The following R3HDML variants were observed in gnomAD, a reference collection of about 807,000 sequenced individuals.
R3HDML encodes R3H domain containing like.
Under a neutral mutation model 24.2 loss-of-function variants are expected in R3HDML, and 21 were observed. That is an observed-to-expected ratio of 0.87 (90% CI 0.62 to 1.25). R3HDML has a LOEUF of 1.25. Among genes scored for constraint, R3HDML ranks in the 50% most tolerant of loss-of-function variants. The pLI, the probability that R3HDML is intolerant of heterozygous loss-of-function variation, is 0.00. For missense variants in R3HDML, 301 were observed against 340.3 expected (o/e 0.88, Z 0.91); for synonymous variants, 133 against 131.5 (o/e 1.01, Z -0.08).
Position 44,350,885 on chromosome 20 carries a change from A to G in R3HDML, c.*93A>G. The stretch of plus-strand genomic sequence containing the variant: ...GGTGGAGAAATAATTGTTTCTTTAA[A>G]GGATATGAGTTAGAATCACCCCCTG... On this transcript the variant is annotated 3_prime_UTR_variant, in exon 5 of 5. Transcript: ENST00000217043. 1 of 1,467,860 alleles carries G rather than the reference A, an allele frequency of 6.8e-7. No homozygotes were observed. The highest frequency in any genetic ancestry group is 2.3e-5 in the East Asian group (1 of 42,660). The allele number at this position is 1,467,860 out of a possible 1,614,324, so 90.9% of individuals were successfully genotyped here. A position where few individuals can be genotyped will look rare whatever the true frequency, so the allele number is the denominator to read the frequency against.
chr20:44,343,997 G>A (rs2146110951), intron 3 of R3HDML, among the ~76,000 whole-genome samples: 1 of 152,120 alleles, frequency 6.6e-6, no homozygotes, highest in South Asian at 2.1e-4. Flanking sequence ...AAATAGTGAG[G>A]TGTGGCCATG....
intron 1 of R3HDML, among the ~76,000 whole-genome samples, chr20:44,338,490 C>T (rs1432228761): frequency 6.6e-6 from 1 of 152,158 alleles, no homozygotes; most frequent in East Asian, 1.9e-4. Context: ...GGATGGCAGG[C>T]AGCTAGAGTG....
rs764971751 is a variant in R3HDML at position 44,345,196 on chromosome 20, C to T, written c.514-67C>T. On this transcript the variant is annotated intron_variant, in intron 3 of 4. Coordinates refer to ENST00000217043, the MANE Select transcript of R3HDML (RefSeq NM_178491.4). ...GAAGACCTCACCTAATGCAACTGTA[C>T]AACCCCAGGGAGCCTGGGTCCCACT... The T allele has an allele frequency of 6.7e-5, 86 of 1,283,562 alleles. No individual in the cohort carries two copies. In the South Asian group the frequency reaches 9.5e-4, roughly 14 times the overall value. 79.5% of individuals were successfully genotyped at this position (1,283,562 alleles called of 1,614,324 possible).
At chr20:44,345,405 G>A in intron 4 of R3HDML, 27 bp downstream of exon 4, 2 of 1,534,364 alleles carry the variant, frequency 1.3e-6, no homozygotes, top group South Asian at 1.2e-5. Flanking sequence ...AGGCAAAGAG[G>A]GCCCTGGGGC....
In R3HDML at chr20:44,337,554, G is replaced by C; in HGVS notation, c.261+136G>C. On this transcript the variant is annotated intron_variant, in intron 1 of 4. Transcript: ENST00000217043. This position sits in a 1 kb window ranked among gnomAD's most constrained non-coding sequence, Gnocchi z 4.7. ...CCTGGCCCCACTAGCCAGTATCTGG[G>C]TGTCGACCTGTGGAAAGGGCAGGAG... is the stretch of plus-strand genomic sequence containing the variant. 3 of 905,338 alleles carry C rather than the reference G, an allele frequency of 3.3e-6. No homozygotes were observed. The highest frequency in any genetic ancestry group is 1.7e-5 in the South Asian group (1 of 59,100). The allele number at this position is 905,338 out of a possible 1,614,324, so 56.1% of individuals were successfully genotyped here.
intron 4 of R3HDML, among the ~76,000 whole-genome samples, chr20:44,346,912 C>A (rs1008473395): frequency 5.3e-5 from 8 of 152,202 alleles, no homozygotes; most frequent in African/African-American, 1.9e-4. Context: ...GGGGCTGAGG[C>A]GAGTGAATCA....
rs1436567077 is a variant in R3HDML at position 44,348,629 on chromosome 20, TA to T, written c.630-2030del. On this transcript the variant is annotated intron_variant, in intron 4 of 4. Coordinates refer to ENST00000217043, the MANE Select transcript of R3HDML (RefSeq NM_178491.4). Reference sequence around the variant, plus strand: ...AATCCTCACACCACAGCCTCCCCAGTAGCTGGGACTACAGGCGTTCACCACC... The same window carrying T: ...AATCCTCACACCACAGCCTCCCCAGTGCTGGGACTACAGGCGTTCACCACC... Among the ~76,000 whole-genome samples the T allele has an allele frequency of 2.6e-5, 4 of 152,022 alleles. No homozygotes were observed. The East Asian group carries it at 7.7e-4, about 29-fold the overall frequency.
Position 44,350,931 on chromosome 20 carries a change from C to G in R3HDML, c.*139C>G, listed in dbSNP as rs187497509. The G allele has an allele frequency of 1.0e-6, 1 of 963,992 alleles. No individual in the cohort carries two copies. The allele number at this position is 963,992 out of a possible 1,614,324, so 59.7% of individuals were successfully genotyped here. ...CCCTGTTGAATTTTCCCTCCTAGAT[C>G]CCCTTCTTAAATGTCCAACATGGGT... On this transcript the variant is annotated 3_prime_UTR_variant, in exon 5 of 5. Coordinates refer to ENST00000217043, the MANE Select transcript of R3HDML (RefSeq NM_178491.4).
chr20:44,341,357 A>G lies in R3HDML; in HGVS notation c.380+43A>G, dbSNP rs112105207. The stretch of plus-strand genomic sequence containing the variant: ...CTTCCTTCACTCAGTCATTCAACAA[A>G]TACTCATTGAACACTTACTCTGTAC... On this transcript the variant is annotated intron_variant, in intron 2 of 4. Transcript: ENST00000217043. The G allele has an allele frequency of 2.5e-5, 36 of 1,462,560 alleles. No individual in the cohort carries two copies. The African/African-American group carries it at 3.6e-4, about 15-fold the overall frequency. The allele number at this position is 1,462,560 out of a possible 1,614,324, so 90.6% of individuals were successfully genotyped here.
At position 44,337,075 on chromosome 20, in the gene R3HDML, A is replaced by G; in HGVS notation, c.-83A>G. On this transcript the variant is annotated 5_prime_UTR_variant, in exon 1 of 5. Coordinates refer to ENST00000217043, the MANE Select transcript of R3HDML (RefSeq NM_178491.4). This position sits in a 1 kb window ranked among gnomAD's most constrained non-coding sequence, Gnocchi z 4.7. Reference sequence around the variant, plus strand: ...GGGTCGGCACTGTTGGAGAACGCTCAGGGTCTGGTGCTCTCGTGCCTGCCC... The same window carrying G: ...GGGTCGGCACTGTTGGAGAACGCTCGGGGTCTGGTGCTCTCGTGCCTGCCC... 10 of 1,506,280 alleles carry G rather than the reference A, an allele frequency of 6.6e-6. No homozygotes were observed. Among genetic ancestry groups the G allele is most frequent in the Non-Finnish European group, 8.9e-6 (10 of 1,121,568 alleles). 93.3% of individuals were successfully genotyped at this position (1,506,280 alleles called of 1,614,324 possible). A position where few individuals can be genotyped will look rare whatever the true frequency, so the allele number is the denominator to read the frequency against.
At chr20:44,348,825 A>G (rs922673325) in intron 4 of R3HDML, among the ~76,000 whole-genome samples, 1 of 152,026 alleles carries the variant, frequency 6.6e-6, no homozygotes, top group Admixed American at 6.6e-5. Context: ...CTTTAAGGTA[A>G]ATGCTACCTG....
rs2062760207 is a variant in R3HDML at position 44,337,313 on chromosome 20, C to T, written c.156C>T (p.Tyr52=). 6.2e-7 allele frequency: 1 copy of T among 1,614,226 alleles called. No individual in the cohort carries two copies. Among genetic ancestry groups the T allele is most frequent in the South Asian group, 1.1e-5 (1 of 91,090 alleles). The change falls in exon 1 of 5, where the codon TAC becomes TAT. Residue 52 remains tyrosine, a synonymous_variant. Transcript: ENST00000217043. This position sits in a 1 kb window ranked among gnomAD's most constrained non-coding sequence, Gnocchi z 4.7. ...RLLSGLEVPR[Y]RRKRHISVRD... is the part of the protein sequence containing the mutation. ...TGAGTGGCCTGGAGGTGCCCAGGTA[C>T]CGCCGGAAGCGCCACATCTCTGTGA...
intron 1 of R3HDML, among the ~76,000 whole-genome samples, chr20:44,338,401 C>A: frequency 6.6e-6 from 1 of 152,212 alleles, no homozygotes; most frequent in South Asian, 2.1e-4. Flanking sequence ...AGAAAACAAG[C>A]ATGAACAACA....
chr20:44,339,595 G>A (rs1396350812), intron 1 of R3HDML, among the ~76,000 whole-genome samples: 6 of 151,376 alleles, frequency 4.0e-5, no homozygotes, highest in Non-Finnish European at 7.4e-5. Flanking sequence ...GTGTGTGTGT[G>A]TGTGTGTGTG....
chr20:44,340,376 A>G (rs7352806), intron 1 of R3HDML, among the ~76,000 whole-genome samples: 73,620 of 152,044 alleles, frequency 0.48, 18,288 homozygotes, highest in African/African-American at 0.58. Context: ...ACAGGCGTGA[A>G]CCACTGTGCC....
chr20:44,345,899 A>G (rs1017768189), intron 4 of R3HDML, among the ~76,000 whole-genome samples: 2 of 151,588 alleles, frequency 1.3e-5, no homozygotes, highest in Admixed American at 1.3e-4. Context: ...AGCTCGCTGC[A>G]GCCTCCACTT....
intron 4 of R3HDML, among the ~76,000 whole-genome samples, chr20:44,349,572 G>C (rs916664715): frequency 1.3e-5 from 2 of 152,258 alleles, no homozygotes; most frequent in South Asian, 4.1e-4. Context: ...GTATTTTTCT[G>C]AGCACTTCAG....
At chr20:44,345,176 C>G (rs1352015179) in intron 3 of R3HDML, 87 bp from the exon 4 acceptor site, 1 of 1,001,490 alleles carries the variant, frequency 1.0e-6, no homozygotes, top group African/African-American at 1.6e-5. Context: ...CCCAGGAAGA[C>G]CTCACCTAAT....
At chr20:44,345,145 T>A (rs1298568254) in intron 3 of R3HDML, 118 bp from the exon 4 acceptor site, 2 of 789,862 alleles carry the variant, frequency 2.5e-6, no homozygotes, top group African/African-American at 3.4e-5. Flanking sequence ...CCCAACACCT[T>A]GGAACAGGCA....
Sources: gnomAD v4.1 joint callset for allele counts (sites outside exome capture counted in the v4.1 genomes callset) on GRCh38, gnomAD v4.1.1 for gene constraint, Gnocchi (gnomAD v3.1) non-coding constraint, MANE v1.5 for transcripts, NCBI Gene and HGNC (gene_info 2026-07-23, HGNC 2026-07-21) for gene names.